ENPP2: variants seen among roughly 807,000 people sequenced by gnomAD.
The protein encoded by ENPP2 is autotaxin.
In ENPP2, 51 loss-of-function variants were observed where a neutral mutation model predicts 120.2. The observed-to-expected ratio is 0.42, with a 90% CI of 0.34 to 0.54. The LOEUF is 0.54. Ranked by LOEUF, ENPP2 falls within the 20% of genes least tolerant of loss-of-function variation. The pLI is 0.04. For missense variants in ENPP2, 920 were observed against 1,066.5 expected (o/e 0.86, Z 1.91); for synonymous variants, 365 against 366.4 (o/e 1.00, Z 0.04).
At chr8:119,579,975 C>T (rs1035914063) in intron 19 of ENPP2, 141 bp downstream of exon 19, 1 of 704,478 alleles carries the variant, frequency 1.4e-6, no homozygotes, top group Non-Finnish European at 2.5e-6. Context: ...TATCCTTTGC[C>T]AGATAGGTAT....
rs577981643 is a variant in ENPP2 at position 119,668,619 on chromosome 8, G to T, written c.21+4633C>A. On this transcript the variant is annotated intron_variant, in intron 1 of 25. Transcript: ENST00000427067. Reference sequence around the variant, plus strand: ...AATTTTTCTATTTTTAGGAGAGACAGGGTTTCACCATGTTGGCCAGGATGG... The same window carrying T: ...AATTTTTCTATTTTTAGGAGAGACATGGTTTCACCATGTTGGCCAGGATGG... Among the ~76,000 whole-genome samples the T allele has an allele frequency of 8.6e-5, 13 of 151,772 alleles. No homozygotes were observed. In the East Asian group the frequency reaches 2.1e-3, roughly 25 times the overall value.
chr8:119,596,047 C>T (rs1359788393), intron 11 of ENPP2: 1 of 1,579,242 alleles, frequency 6.3e-7, no homozygotes, highest in African/African-American at 1.4e-5. Context: ...GTCGTCTGTC[C>T]CTCTGAGTCA....
chr8:119,597,001 G>C (rs898101420), intron 11 of ENPP2, among the ~76,000 whole-genome samples: 3 of 152,052 alleles, frequency 2.0e-5, no homozygotes, highest in South Asian at 4.2e-4. Context: ...GAGGGTGGGT[G>C]GGGGGAATGT....
At position 119,653,677 on chromosome 8, in the gene ENPP2, C is replaced by T. The variant is rs138872409; in HGVS notation, c.22-15150G>A. ...AGGACCCTACAGGCCATAATGGAGG[C>T]TTCATGTTTCATGTTGGATGTAATG... On this transcript the variant is annotated intron_variant, in intron 1 of 25. Coordinates refer to the ENPP2 transcript ENST00000427067. Among the ~76,000 whole-genome samples, 11 of 152,218 alleles carry T rather than the reference C, an allele frequency of 7.2e-5. No individual in the cohort carries two copies. The East Asian group carries it at 1.5e-3, about 21-fold the overall frequency.
chr8:119,595,821 A>G lies in ENPP2; in HGVS notation c.973-1961T>C, dbSNP rs199915531. The stretch of plus-strand genomic sequence containing the variant: ...TTCAACTCAGACCTGCCCGCCACAA[A>G]GCTTTGGAACAATAGATAAACTTAC... On this transcript the variant is annotated intron_variant, in intron 11 of 24. Transcript: ENST00000075322. 7 of 1,611,820 alleles carry G rather than the reference A, an allele frequency of 4.3e-6. No individual in the cohort carries two copies. In the South Asian group the frequency reaches 7.7e-5, roughly 18 times the overall value.
intron 24 of ENPP2, among the ~76,000 whole-genome samples, chr8:119,558,715 T>C (rs1403421826): frequency 6.6e-6 from 1 of 151,262 alleles, no homozygotes; most frequent in Non-Finnish European, 1.5e-5. Context: ...TAGTAGACAT[T>C]GAGCAGGACC....
intron 19 of ENPP2, among the ~76,000 whole-genome samples, chr8:119,576,411 T>C (rs888493015): frequency 2.6e-5 from 4 of 152,232 alleles, no homozygotes; most frequent in Non-Finnish European, 4.4e-5. Flanking sequence ...GTCCTGGGAT[T>C]ACAAGTGTGA....
chr8:119,597,722 A>C (rs1026522383), intron 11 of ENPP2, among the ~76,000 whole-genome samples: 1 of 152,234 alleles, frequency 6.6e-6, no homozygotes, highest in Non-Finnish European at 1.5e-5. Flanking sequence ...GATTGCGCCA[A>C]TAATCAAAAG....
chr8:119,650,512 C>T (rs1817597465), intron 1 of ENPP2, among the ~76,000 whole-genome samples: 1 of 152,076 alleles, frequency 6.6e-6, no homozygotes, highest in Non-Finnish European at 1.5e-5. Context: ...TAAAAAAGAA[C>T]CGAGATTATA....
Position 119,561,725 on chromosome 8 carries a change from C to T in ENPP2, c.2421+1132G>A, listed in dbSNP as rs187999657. ...GAGAAAACAGTGACTGCTACACCTC[C>T]ATCATAACTAGTAGCAAACCTGATT... On this transcript the variant is annotated intron_variant, in intron 24 of 24. Transcript: ENST00000075322. Among the ~76,000 whole-genome samples the T allele has an allele frequency of 2.6e-5, 4 of 152,206 alleles. No homozygotes were observed. In the East Asian group the frequency reaches 7.7e-4, roughly 29 times the overall value.
intron 1 of ENPP2, among the ~76,000 whole-genome samples, chr8:119,663,170 G>A (rs1322771818): frequency 1.3e-5 from 2 of 151,558 alleles, no homozygotes; most frequent in Non-Finnish European, 1.5e-5. Context: ...AAGAAAATGG[G>A]TAGTATAATT....
intron 12 of ENPP2, among the ~76,000 whole-genome samples, chr8:119,591,738 T>C (rs2041781129): frequency 1.3e-5 from 2 of 152,154 alleles, no homozygotes; most frequent in African/African-American, 4.8e-5. Flanking sequence ...CAAATTGGAA[T>C]GAAATGCAAG....
chr8:119,613,188 G>A (rs997041090), intron 8 of ENPP2, among the ~76,000 whole-genome samples: 4 of 152,130 alleles, frequency 2.6e-5, no homozygotes, highest in Non-Finnish European at 5.9e-5. Flanking sequence ...ATTAAACTAC[G>A]TATGAGAAAT....
rs750701293 is a variant in ENPP2 at position 119,659,320 on chromosome 8, T to TAAAAAAA, written c.21+13925_21+13931dup. On this transcript the variant is annotated intron_variant, in intron 1 of 25. Transcript: ENST00000427067. The stretch of plus-strand genomic sequence containing the variant: ...CTACAGGACAAGACTCTGTCTCAAT[T>TAAAAAAA]AAAAAAAAAAAAAAAAACCAGAGTT... 2.4e-3 allele frequency among the ~76,000 whole-genome samples: 154 copies of TAAAAAAA among 64,892 alleles called. 2 individuals are homozygous for TAAAAAAA. The highest frequency in any genetic ancestry group is 5.3e-3 in the African/African-American group (111 of 20,810). The allele number at this position is 64,892 out of a possible 152,430, so 42.6% of individuals were successfully genotyped here.
At chr8:119,568,056 A>C (rs1814621957) in intron 22 of ENPP2, 119 bp downstream of exon 22, 2 of 631,076 alleles carry the variant, frequency 3.2e-6, no homozygotes, top group Non-Finnish European at 5.7e-6. Flanking sequence ...AAAAATTATA[A>C]AGGTTAAACA....
chr8:119,632,932 G>T (rs1002530132), intron 2 of ENPP2, among the ~76,000 whole-genome samples: 1 of 152,150 alleles, frequency 6.6e-6, no homozygotes, highest in Non-Finnish European at 1.5e-5. Flanking sequence ...AGCCAGGCAT[G>T]GGGGTGCACA....
At chr8:119,631,296 A>G (rs1274128970) in intron 2 of ENPP2, among the ~76,000 whole-genome samples, 1 of 136,688 alleles carries the variant, frequency 7.3e-6, no homozygotes, top group Non-Finnish European at 1.5e-5. Flanking sequence ...GGCTCACTAC[A>G]AGCTCTGTCT....
chr8:119,611,137 T>C (rs1242833514), intron 8 of ENPP2, among the ~76,000 whole-genome samples: 1 of 152,196 alleles, frequency 6.6e-6, no homozygotes, highest in East Asian at 1.9e-4. Flanking sequence ...AGGAACCAAG[T>C]AGGTTAAATA....
chr8:119,605,123 G>A (rs1814611366), intron 9 of ENPP2, among the ~76,000 whole-genome samples: 1 of 152,004 alleles, frequency 6.6e-6, no homozygotes, highest in South Asian at 2.1e-4. Flanking sequence ...CCAGGCTGGG[G>A]TGCAGTGGTG....
Sources: gnomAD v4.1 joint callset for allele counts (sites outside exome capture counted in the v4.1 genomes callset) on GRCh38, gnomAD v4.1.1 for gene constraint, MANE v1.5 for transcripts, NCBI Gene and HGNC (gene_info 2026-07-23, HGNC 2026-07-21) for gene names.